The following SNTG1 variants were observed in gnomAD, a reference collection of about 807,000 sequenced individuals.
SNTG1 encodes the protein syntrophin gamma 1, also known as gamma-1-syntrophin.
In SNTG1, 39 loss-of-function variants were observed where a neutral mutation model predicts 74.7. That is an observed-to-expected ratio of 0.52 (90% confidence interval 0.40 to 0.68). The LOEUF (loss-of-function observed/expected upper bound fraction) is 0.68. SNTG1 is among the 30% of genes least tolerant of loss of function. The pLI, the probability that SNTG1 is intolerant of heterozygous loss-of-function variation, is 0.00. For synonymous variants in SNTG1, 254 were observed against 217.1 expected, an observed-to-expected ratio of 1.17 and a Z score of -1.49; for missense variants, 685 against 609.5, an observed-to-expected ratio of 1.12 and a Z score of -1.30.
rs149215064 is a variant in SNTG1 at position 50,317,834 on chromosome 8, G to GT, written c.-27-76371dup. ...TATGACATCACTTATTGTCTGAGTT[G>GT]TTTTTTTGTTTGTTTGTTTTGAGAC... On this transcript the variant is annotated intron_variant, in intron 2 of 18. Coordinates refer to ENST00000642720, the MANE Select transcript of SNTG1 (RefSeq NM_018967.5). Among the ~76,000 whole-genome samples the GT allele has an allele frequency of 3.2e-4, 49 of 152,104 alleles. No homozygotes were observed. In the East Asian group the frequency reaches 9.5e-3, roughly 29 times the overall value.
At chr8:49,988,921 T>C (rs1813424062) in intron 1 of SNTG1, among the ~76,000 whole-genome samples, 1 of 151,882 alleles carries the variant, frequency 6.6e-6, no homozygotes, top group Non-Finnish European at 1.5e-5. Flanking sequence ...ATAGTAACAG[T>C]AATTTACTGT....
intron 2 of SNTG1, among the ~76,000 whole-genome samples, chr8:50,334,941 C>A (rs1049924300): frequency 2.6e-5 from 4 of 152,300 alleles, no homozygotes; most frequent in African/African-American, 4.8e-5. Context: ...TCATGCCCAA[C>A]TCTTCTGCTA....
chr8:49,959,236 C>A (rs1810464853), intron 1 of SNTG1, among the ~76,000 whole-genome samples: 1 of 152,058 alleles, frequency 6.6e-6, no homozygotes. Flanking sequence ...CCTTGCTGTC[C>A]CTGGGAAAGA....
At position 49,948,995 on chromosome 8, in the gene SNTG1, G is replaced by C. The variant is rs369761773; in HGVS notation, c.-103+36764G>C. Among the ~76,000 whole-genome samples the C allele has an allele frequency of 1.2e-4, 18 of 152,276 alleles. No individual in the cohort carries two copies. The East Asian group carries it at 2.5e-3, about 21-fold the overall frequency. Reference sequence around the variant, plus strand: ...TGAGATCACGCCTTCCACAGGAGAGGTGCACCGATCCTCACCCACTGGATT... The same window carrying C: ...TGAGATCACGCCTTCCACAGGAGAGCTGCACCGATCCTCACCCACTGGATT... On this transcript the variant is annotated intron_variant, in intron 1 of 18. Coordinates refer to ENST00000642720, the MANE Select transcript of SNTG1 (RefSeq NM_018967.5).
At chr8:50,018,018 G>T (rs1816490798) in intron 1 of SNTG1, among the ~76,000 whole-genome samples, 3 of 151,862 alleles carry the variant, frequency 2.0e-5, no homozygotes, top group Admixed American at 2.0e-4. Flanking sequence ...GAAATTAAAT[G>T]ATTTCTAAAT....
chr8:50,731,549 T>C (rs1326269792), intron 17 of SNTG1, among the ~76,000 whole-genome samples: 2 of 152,104 alleles, frequency 1.3e-5, no homozygotes, highest in African/African-American at 4.8e-5. Context: ...TCTAACCAAA[T>C]CAAAGTGAAT....
chr8:50,532,301 C>T (rs1289466587), intron 10 of SNTG1, among the ~76,000 whole-genome samples: 1 of 152,150 alleles, frequency 6.6e-6, no homozygotes, highest in Admixed American at 6.5e-5. Context: ...CAATTAAATG[C>T]ATTTTTGTTG....
At chr8:49,960,960 G>A (rs780256668) in intron 1 of SNTG1, among the ~76,000 whole-genome samples, 47 of 152,236 alleles carry the variant, frequency 3.1e-4, no homozygotes, top group Non-Finnish European at 5.4e-4. Flanking sequence ...TATCAGGAGC[G>A]GAAAGTTACC....
intron 10 of SNTG1, among the ~76,000 whole-genome samples, chr8:50,536,028 A>G (rs1476778065): frequency 1.3e-5 from 2 of 152,198 alleles, no homozygotes; most frequent in African/African-American, 4.8e-5. Context: ...TCCTCTATAT[A>G]TAAAGGAAGA....
chr8:50,777,043 A>G (rs2095642765), intron 18 of SNTG1, among the ~76,000 whole-genome samples: 1 of 151,684 alleles, frequency 6.6e-6, no homozygotes, highest in African/African-American at 2.4e-5. Flanking sequence ...GCTGACTATG[A>G]TGTGTCTTGG....
intron 2 of SNTG1, among the ~76,000 whole-genome samples, chr8:50,324,400 C>G (rs148801409): frequency 2.0e-5 from 3 of 152,312 alleles, no homozygotes; most frequent in South Asian, 2.1e-4. Context: ...CCTCAATACT[C>G]TTTCCATAAT....
intron 1 of SNTG1, among the ~76,000 whole-genome samples, chr8:49,991,485 G>A (rs1279063021): frequency 6.6e-6 from 1 of 152,040 alleles, no homozygotes; most frequent in Non-Finnish European, 1.5e-5. Context: ...ACACAAAAAC[G>A]TGTACAATAT....
chr8:50,594,012 C>G (rs749642929), intron 13 of SNTG1, among the ~76,000 whole-genome samples: 2 of 152,136 alleles, frequency 1.3e-5, no homozygotes, highest in African/African-American at 2.4e-5. Flanking sequence ...GCCACAACAC[C>G]CAACCTGATT....
chr8:49,964,997 A>G (rs1471561928), intron 1 of SNTG1, among the ~76,000 whole-genome samples: 2 of 152,218 alleles, frequency 1.3e-5, no homozygotes, highest in Non-Finnish European at 2.9e-5. Context: ...GTTAAAATTA[A>G]TGGCATACCG....
At chr8:49,919,482 C>T (rs1806339004) in intron 1 of SNTG1, among the ~76,000 whole-genome samples, 2 of 152,110 alleles carry the variant, frequency 1.3e-5, no homozygotes, top group African/African-American at 4.8e-5. Context: ...TTCTAAGTCA[C>T]TGAATTTATC....
At chr8:50,601,147 C>T (rs976592760) in intron 13 of SNTG1, among the ~76,000 whole-genome samples, 2 of 63,192 alleles carry the variant, frequency 3.2e-5, no homozygotes, top group African/African-American at 1.6e-4. Context: ...ACAGAGCCAG[C>T]GAGACAAAAA....
intron 1 of SNTG1, among the ~76,000 whole-genome samples, chr8:49,983,682 C>T (rs1226397706): frequency 6.6e-6 from 1 of 152,214 alleles, no homozygotes; most frequent in East Asian, 1.9e-4. Flanking sequence ...GTCACAGCAA[C>T]CAACAGAGGC....
chr8:50,042,850 G>A (rs1253480498), intron 1 of SNTG1, among the ~76,000 whole-genome samples: 2 of 151,924 alleles, frequency 1.3e-5, no homozygotes, highest in African/African-American at 2.4e-5. Context: ...TCCCACCTTA[G>A]CCTCTCAAAG....
chr8:49,949,660 A>AT (rs1809525880), intron 1 of SNTG1, among the ~76,000 whole-genome samples: 1 of 152,166 alleles, frequency 6.6e-6, no homozygotes, highest in Non-Finnish European at 1.5e-5. Context: ...CTTTCTTGTG[A>AT]TAAAAGAGAC....
Sources: allele counts gnomAD v4.1 joint callset (sites outside exome capture counted in the v4.1 genomes callset), GRCh38; gene constraint gnomAD v4.1.1; transcripts MANE v1.5; gene names NCBI Gene and HGNC (gene_info 2026-07-23, HGNC 2026-07-21).